Variants in RAB31 observed in about 807,000 individuals in gnomAD.
RAB31 encodes RAB31, member RAS oncogene family.
In RAB31, 21 loss-of-function variants were observed where a neutral mutation model predicts 25.6. That is an observed-to-expected ratio of 0.82 (90% CI 0.58 to 1.18). The LOEUF is 1.18. Ranked by LOEUF, RAB31 falls within the 50% of genes most tolerant of loss-of-function variation. RAB31 has a pLI of 0.00. For missense variants in RAB31, 196 were observed against 250.1 expected (o/e 0.78, Z 1.46); for synonymous variants, 87 against 84.0 (o/e 1.04, Z -0.20).
At chr18:9,842,843 G>C (rs117842072) in intron 5 of RAB31, among the ~76,000 whole-genome samples, 2 of 152,316 alleles carry the variant, frequency 1.3e-5, no homozygotes, top group Non-Finnish European at 2.9e-5. Context: ...ATGTCACTTC[G>C]GCAGGCCGAT....
chr18:9,824,088 C>G (rs1280542457), intron 5 of RAB31, among the ~76,000 whole-genome samples: 2 of 152,246 alleles, frequency 1.3e-5, no homozygotes, highest in African/African-American at 4.8e-5. Flanking sequence ...CCTTCTTTTA[C>G]TCTAATCCCA....
intron 5 of RAB31, among the ~76,000 whole-genome samples, chr18:9,843,533 A>G: frequency 7.9e-6 from 1 of 126,000 alleles, no homozygotes; most frequent in African/African-American, 3.1e-5. Context: ...GCGACAGAGC[A>G]AGACACTGTC....
chr18:9,837,215 A>C (rs2068710333), intron 5 of RAB31, among the ~76,000 whole-genome samples: 1 of 152,346 alleles, frequency 6.6e-6, no homozygotes, highest in South Asian at 2.1e-4. Flanking sequence ...TGTGAAATAC[A>C]TAGGGAGATT....
At chr18:9,720,640 C>T (rs1004954355) in intron 1 of RAB31, among the ~76,000 whole-genome samples, 7 of 144,486 alleles carry the variant, frequency 4.8e-5, no homozygotes, top group African/African-American at 1.0e-4. Flanking sequence ...CTGCCTGGTG[C>T]GGGGGGTAGA....
At chr18:9,729,342 A>G (rs899222667) in intron 1 of RAB31, among the ~76,000 whole-genome samples, 2 of 152,098 alleles carry the variant, frequency 1.3e-5, no homozygotes, top group Admixed American at 6.6e-5. Flanking sequence ...CCTGTCTAAC[A>G]TGGTGAAACC....
intron 1 of RAB31, among the ~76,000 whole-genome samples, chr18:9,735,895 G>A (rs1045857991): frequency 3.9e-5 from 6 of 152,162 alleles, no homozygotes; most frequent in Non-Finnish European, 7.4e-5. Flanking sequence ...GGAGTGCCAT[G>A]GTGAGATAAT....
chr18:9,849,287 G>A (rs1292232863), intron 6 of RAB31, among the ~76,000 whole-genome samples: 1 of 152,148 alleles, frequency 6.6e-6, no homozygotes, highest in Admixed American at 6.5e-5. Flanking sequence ...GAGATTGCAA[G>A]TTCTTTGGGA....
At chr18:9,812,916 C>T (rs1018056450) in intron 3 of RAB31, among the ~76,000 whole-genome samples, 8 of 151,798 alleles carry the variant, frequency 5.3e-5, no homozygotes, top group African/African-American at 1.9e-4. Flanking sequence ...AGGCTGTTCT[C>T]AAACTCCTGA....
intron 4 of RAB31, 188 bp from the exon 5 acceptor site, chr18:9,814,928 G>A: frequency 4.7e-6 from 2 of 428,288 alleles, no homozygotes; most frequent in Non-Finnish European, 4.2e-6. Flanking sequence ...TAGAAAACTT[G>A]ATATGGTCTA....
At chr18:9,737,153 C>G (rs1156943225) in intron 1 of RAB31, among the ~76,000 whole-genome samples, 1 of 152,148 alleles carries the variant, frequency 6.6e-6, no homozygotes, top group Non-Finnish European at 1.5e-5. Context: ...GCGACAAGGT[C>G]AAGCCCATAA....
intron 3 of RAB31, among the ~76,000 whole-genome samples, chr18:9,794,554 T>A (rs941012195): frequency 4.6e-5 from 7 of 152,152 alleles, no homozygotes; most frequent in African/African-American, 1.7e-4. Context: ...CCGTGGCTCA[T>A]GCCTGCAATC....
chr18:9,728,110 TG>T (rs1381892397), intron 1 of RAB31, among the ~76,000 whole-genome samples: 1 of 152,230 alleles, frequency 6.6e-6, no homozygotes, highest in Non-Finnish European at 1.5e-5. Flanking sequence ...TTTTAAGCTA[TG>T]GTCTATGCAT....
At chr18:9,800,344 A>G (rs184103309) in intron 3 of RAB31, among the ~76,000 whole-genome samples, 25 of 152,250 alleles carry the variant, frequency 1.6e-4, no homozygotes, top group Non-Finnish European at 2.4e-4. Context: ...CCACCGTGCT[A>G]TACTTTTACA....
At chr18:9,795,234 A>G (rs1035752349) in intron 3 of RAB31, among the ~76,000 whole-genome samples, 20 of 152,334 alleles carry the variant, frequency 1.3e-4, no homozygotes, top group African/African-American at 4.3e-4. Context: ...CTATACAAAA[A>G]TCAATGCAAG....
At chr18:9,718,039 T>G (rs1181689160) in intron 1 of RAB31, among the ~76,000 whole-genome samples, 1 of 150,138 alleles carries the variant, frequency 6.7e-6, no homozygotes, top group Non-Finnish European at 1.5e-5. Context: ...GGACTATAGG[T>G]GCCCACCACC....
intron 1 of RAB31, among the ~76,000 whole-genome samples, chr18:9,740,160 A>G (rs1405421946): frequency 6.6e-6 from 1 of 152,186 alleles, no homozygotes; most frequent in African/African-American, 2.4e-5. Context: ...ATTCCGATTC[A>G]CTGGTAATGA....
chr18:9,783,281 G>A (rs1269605078), intron 2 of RAB31, among the ~76,000 whole-genome samples: 3 of 152,184 alleles, frequency 2.0e-5, no homozygotes, highest in African/African-American at 7.2e-5. Flanking sequence ...GGTTCATTGA[G>A]TCTGGCAGTG....
chr18:9,814,095 A>C lies in RAB31; in HGVS notation c.273+4A>C. 1 of 1,560,254 alleles carries C rather than the reference A, an allele frequency of 6.4e-7. No individual in the cohort carries two copies. Reference sequence around the variant, plus strand: ...CGTGTATGATATTACCAAGCAGGTAAGAATGTCTCCTTCAGAATTTAGATG... The same window carrying C: ...CGTGTATGATATTACCAAGCAGGTACGAATGTCTCCTTCAGAATTTAGATG... On this transcript the variant is annotated splice_donor_region_variant and intron_variant, in intron 4 of 6. Transcript: ENST00000578921.
chr18:9,857,898 C>T (rs1027014693), intron 6 of RAB31, among the ~76,000 whole-genome samples: 8 of 151,520 alleles, frequency 5.3e-5, no homozygotes, highest in South Asian at 2.1e-4. Context: ...GGCATGGTGG[C>T]GCACACCTAT....
Sources: allele counts gnomAD v4.1 joint callset (sites outside exome capture counted in the v4.1 genomes callset), GRCh38; gene constraint gnomAD v4.1.1; transcripts MANE v1.5; gene names NCBI Gene and HGNC (gene_info 2026-07-23, HGNC 2026-07-21).